DPYD: variants seen among roughly 807,000 people sequenced by gnomAD.
DPYD encodes dihydropyrimidine dehydrogenase [NADP(+)].
DPYD carries 109 observed loss-of-function variants against 116.2 expected under a neutral mutation model. The observed-to-expected ratio is 0.94, with a 90% CI of 0.80 to 1.10. The LOEUF is 1.10. Ranked by LOEUF, DPYD falls within the 50% of genes least tolerant of loss-of-function variation. The pLI is 0.00. For synonymous variants in DPYD, 440 were observed against 432.0 expected (o/e 1.02, Z -0.23); for missense variants, 1,302 against 1,254.5 (o/e 1.04, Z -0.57).
At chr1:97,757,980 C>T (rs1665343886) in intron 3 of DPYD, among the ~76,000 whole-genome samples, 1 of 152,164 alleles carries the variant, frequency 6.6e-6, no homozygotes, top group Admixed American at 6.6e-5. Context: ...ATAATACGCA[C>T]TGCCTGAGAA....
At chr1:97,679,205 TA>T in intron 7 of DPYD, 23 bp from the exon 8 acceptor site, 1 of 1,349,428 alleles carries the variant, frequency 7.4e-7, no homozygotes, top group South Asian at 1.3e-5. Flanking sequence ...ATATTTTGCA[TA>T]AGAAAATTTG....
rs571188249 is a variant in DPYD, at chr1:97,577,412, G to A, written c.1129-3442C>T. 2.0e-5 allele frequency among the ~76,000 whole-genome samples: 3 copies of A among 152,246 alleles called. No homozygotes were observed. The South Asian group carries it at 6.2e-4, about 32-fold the overall frequency. On this transcript the variant is annotated intron_variant, in intron 10 of 22. Coordinates refer to ENST00000370192, the MANE Select transcript of DPYD (RefSeq NM_000110.4). ...GACTGCCTCTCAGTCAATGCTTGAC[G>A]TCCTGGAACTTGTGCCTGCTTGCTT...
intron 14 of DPYD, among the ~76,000 whole-genome samples, chr1:97,411,819 T>C (rs1674011857): frequency 6.6e-6 from 1 of 152,222 alleles, no homozygotes; most frequent in Non-Finnish European, 1.5e-5. Flanking sequence ...CTTTCTGGTA[T>C]AGACGTTAAA....
chr1:97,468,672 G>A (rs973344187), intron 13 of DPYD, among the ~76,000 whole-genome samples: 2 of 152,152 alleles, frequency 1.3e-5, no homozygotes, highest in Non-Finnish European at 2.9e-5. Flanking sequence ...TTAACTCATA[G>A]GCAGTACAGA....
At chr1:97,293,357 T>C (rs1205195776) in intron 18 of DPYD, among the ~76,000 whole-genome samples, 3 of 152,162 alleles carry the variant, frequency 2.0e-5, no homozygotes, top group Admixed American at 2.0e-4. Flanking sequence ...AGTGCTTAAG[T>C]GTACAGTATG....
intron 19 of DPYD, among the ~76,000 whole-genome samples, chr1:97,220,726 C>T (rs941680449): frequency 6.6e-5 from 10 of 152,152 alleles, no homozygotes; most frequent in African/African-American, 1.9e-4. Context: ...AATTATATCC[C>T]TCTATGGTTT....
At chr1:97,595,309 A>G (rs1654800881) in intron 8 of DPYD, 143 bp from the exon 9 acceptor site, 1 of 648,936 alleles carries the variant, frequency 1.5e-6, no homozygotes, top group Non-Finnish European at 2.7e-6. Context: ...TATAAAATGT[A>G]CATAATACAG....
At chr1:97,829,748 T>A (rs925960967) in intron 2 of DPYD, among the ~76,000 whole-genome samples, 70 of 152,244 alleles carry the variant, frequency 4.6e-4, no homozygotes, top group African/African-American at 1.6e-3. Flanking sequence ...CAATCTTTTT[T>A]TTATTTCTTT....
chr1:97,869,912 T>A (rs987153038), intron 2 of DPYD, among the ~76,000 whole-genome samples: 1 of 151,840 alleles, frequency 6.6e-6, no homozygotes, highest in Non-Finnish European at 1.5e-5. Flanking sequence ...TCAAATACAA[T>A]GTGTATGCAT....
At chr1:97,083,471 G>A (rs964970754) in intron 21 of DPYD, among the ~76,000 whole-genome samples, 1 of 151,614 alleles carries the variant, frequency 6.6e-6, no homozygotes, top group African/African-American at 2.4e-5. Context: ...CATTATCATG[G>A]AATTTCAAAC....
At chr1:97,555,340 A>G (rs760292657) in intron 11 of DPYD, among the ~76,000 whole-genome samples, 6 of 152,036 alleles carry the variant, frequency 3.9e-5, no homozygotes, top group South Asian at 2.1e-4. Context: ...TTTCATCTCT[A>G]TAAAGATGGC....
chr1:97,228,140 T>C (rs555768932), intron 19 of DPYD, among the ~76,000 whole-genome samples: 1 of 150,018 alleles, frequency 6.7e-6, no homozygotes, highest in Non-Finnish European at 1.5e-5. Context: ...TAACAGACTT[T>C]AGTTGTTTTT....
intron 18 of DPYD, among the ~76,000 whole-genome samples, chr1:97,284,530 T>C (rs546876634): frequency 2.6e-5 from 4 of 152,244 alleles, no homozygotes; most frequent in East Asian, 1.9e-4. Context: ...GATGGCTATA[T>C]CTTTTAATGT....
intron 16 of DPYD, among the ~76,000 whole-genome samples, chr1:97,356,553 G>A (rs1425904544): frequency 2.6e-5 from 4 of 152,172 alleles, no homozygotes; most frequent in Non-Finnish European, 5.9e-5. Context: ...AACAGGGTCT[G>A]GAGTGGAGCT....
intron 12 of DPYD, among the ~76,000 whole-genome samples, chr1:97,538,278 C>T (rs1224609978): frequency 6.6e-6 from 1 of 152,188 alleles, no homozygotes; most frequent in African/African-American, 2.4e-5. Flanking sequence ...AAAACCACAG[C>T]TACCATTTGT....
chr1:97,887,493 A>AAAAAAAAAAAAAAAAAAAAAAAC (rs1672562707), intron 1 of DPYD, among the ~76,000 whole-genome samples: 1 of 109,244 alleles, frequency 9.2e-6, no homozygotes, highest in Admixed American at 9.4e-5. Flanking sequence ...AAAAAAAAAA[A>AAAAAAAAAAAAAAAAAAAAAAAC]AAGTATATCC....
intron 1 of DPYD, among the ~76,000 whole-genome samples, chr1:97,889,135 C>G (rs950360911): frequency 3.3e-5 from 5 of 151,636 alleles, no homozygotes; most frequent in African/African-American, 7.3e-5. Flanking sequence ...CCAGCCTAGG[C>G]AACAAGAGTG....
At chr1:97,367,716 C>T (rs934224064) in intron 16 of DPYD, among the ~76,000 whole-genome samples, 1 of 152,094 alleles carries the variant, frequency 6.6e-6, no homozygotes. Context: ...GAAATCATTA[C>T]TAAATGAGTG....
At chr1:97,730,103 T>C (rs891984724) in intron 4 of DPYD, among the ~76,000 whole-genome samples, 1 of 152,182 alleles carries the variant, frequency 6.6e-6, no homozygotes, top group African/African-American at 2.4e-5. Flanking sequence ...TCTTATATTT[T>C]TATGACGTGT....
Sources: allele counts gnomAD v4.1 joint callset (sites outside exome capture counted in the v4.1 genomes callset), GRCh38; gene constraint gnomAD v4.1.1; transcripts MANE v1.5; gene names NCBI Gene and HGNC (gene_info 2026-07-23, HGNC 2026-07-21).